SLX4IP: variants seen among roughly 807,000 people sequenced by gnomAD.
SLX4IP encodes the protein SLX4 interacting protein, also known as protein SLX4IP.
Under a neutral mutation model 32.9 loss-of-function variants are expected in SLX4IP, and 34 were observed. That is an observed-to-expected ratio of 1.03 (90% confidence interval 0.79 to 1.38). SLX4IP has a LOEUF of 1.38. Among genes scored for constraint, SLX4IP ranks in the 40% most tolerant of loss-of-function variants. The pLI, the probability that SLX4IP is intolerant of heterozygous loss-of-function variation, is 0.00. For synonymous variants in SLX4IP, 172 were observed against 171.7 expected (o/e 1.00, Z -0.01); for missense variants, 444 against 479.0 (o/e 0.93, Z 0.68).
intron 4 of SLX4IP, among the ~76,000 whole-genome samples, chr20:10,584,955 A>G (rs34988838): frequency 0.051 from 7,801 of 152,184 alleles, 267 homozygotes; most frequent in Middle Eastern, 0.075. Flanking sequence ...GTTACAGACA[A>G]ATGCTGAATA....
chr20:10,500,215 A>G (rs779389704), intron 2 of SLX4IP, among the ~76,000 whole-genome samples: 1 of 142,044 alleles, frequency 7.0e-6, no homozygotes, highest in African/African-American at 2.6e-5. Flanking sequence ...GCTCACTGCA[A>G]CCTCTGAATT....
intron 2 of SLX4IP, among the ~76,000 whole-genome samples, chr20:10,473,527 T>G (rs2065444625): frequency 6.6e-6 from 1 of 152,198 alleles, no homozygotes; most frequent in African/African-American, 2.4e-5. Flanking sequence ...ATAATCATTG[T>G]GGTTAATATT....
At chr20:10,450,551 T>C (rs975158353) in intron 1 of SLX4IP, among the ~76,000 whole-genome samples, 1 of 152,348 alleles carries the variant, frequency 6.6e-6, no homozygotes, top group Admixed American at 6.5e-5. Context: ...ATGTGCATTA[T>C]GTTATTTAGA....
intron 4 of SLX4IP, among the ~76,000 whole-genome samples, chr20:10,594,725 G>C (rs530149813): frequency 6.6e-6 from 1 of 152,106 alleles, no homozygotes; most frequent in Non-Finnish European, 1.5e-5. Flanking sequence ...GATGGAATTT[G>C]TTCAATTCAT....
At position 10,565,148 on chromosome 20, in the gene SLX4IP, TGCCA is replaced by T. The variant is rs1394218178; in HGVS notation, c.238+4330_238+4333del. Among the ~76,000 whole-genome samples the T allele has an allele frequency of 2.0e-5, 3 of 152,190 alleles. No individual in the cohort carries two copies. In the East Asian group the frequency reaches 5.8e-4, roughly 29 times the overall value. ...CCTCTTAATTCATCCACACCTCTGC[TGCCA>T]GAGTGGCCTTTTGAAGGCAAAAATG... On this transcript the variant is annotated intron_variant, in intron 4 of 7. Coordinates refer to ENST00000334534, the MANE Select transcript of SLX4IP (RefSeq NM_001009608.3).
rs559998986 is a variant in SLX4IP at position 10,496,508 on chromosome 20, C to A, written c.27+38277C>A. 4.6e-5 allele frequency among the ~76,000 whole-genome samples: 7 copies of A among 152,230 alleles called. No individual in the cohort carries two copies. In the South Asian group the frequency reaches 1.5e-3, roughly 32 times the overall value. On this transcript the variant is annotated intron_variant, in intron 2 of 7. Coordinates refer to ENST00000334534, the MANE Select transcript of SLX4IP (RefSeq NM_001009608.3). ...CACGAAACAAAACCTAGAGGTGGAC[C>A]TACCATCAGGGACCCAGGTTTTTCT...
chr20:10,590,590 A>G (rs1289503900), intron 4 of SLX4IP, among the ~76,000 whole-genome samples: 1 of 152,050 alleles, frequency 6.6e-6, no homozygotes, highest in Non-Finnish European at 1.5e-5. Context: ...CAAACTCTTG[A>G]GCTTAGGCAT....
At chr20:10,617,410 C>G (rs944595680) in intron 6 of SLX4IP, among the ~76,000 whole-genome samples, 33 of 152,140 alleles carry the variant, frequency 2.2e-4, no homozygotes, top group Admixed American at 7.9e-4. Context: ...GGAGCCCCTC[C>G]TGTGCTTTAC....
chr20:10,598,668 T>A lies in SLX4IP; in HGVS notation c.239-7T>A. ...TTAACTTAGTGATGTTCCCTTTCAC[T>A]TTCCAGGTTATGGCTTTCAAATCAC... On this transcript the variant is annotated splice_region_variant and splice_polypyrimidine_tract_variant and intron_variant, in intron 4 of 7. Coordinates refer to ENST00000334534, the MANE Select transcript of SLX4IP (RefSeq NM_001009608.3). 1 of 1,614,008 alleles carries A rather than the reference T, an allele frequency of 6.2e-7. No individual in the cohort carries two copies. The highest frequency in any genetic ancestry group is 8.5e-7 in the Non-Finnish European group (1 of 1,179,860).
chr20:10,594,597 C>G (rs964331708), intron 4 of SLX4IP, among the ~76,000 whole-genome samples: 8 of 152,176 alleles, frequency 5.3e-5, no homozygotes, highest in Non-Finnish European at 1.2e-4. Flanking sequence ...TGAATATTTG[C>G]TCTCAGTGTC....
chr20:10,621,519 C>T, intron 7 of SLX4IP, 105 bp downstream of exon 7: 5 of 949,160 alleles, frequency 5.3e-6, no homozygotes, highest in Non-Finnish European at 6.6e-6. Flanking sequence ...GAAGCACAAA[C>T]TCCCCTCCGT....
chr20:10,512,778 C>A (rs8116187), intron 2 of SLX4IP, among the ~76,000 whole-genome samples: 382 of 25,136 alleles, frequency 0.015, 4 homozygotes, highest in Admixed American at 0.033. Flanking sequence ...CACACACACT[C>A]TATATATATA....
intron 2 of SLX4IP, among the ~76,000 whole-genome samples, chr20:10,539,437 C>G (rs989065279): frequency 1.3e-5 from 2 of 151,496 alleles, no homozygotes; most frequent in African/African-American, 4.9e-5. Flanking sequence ...GTCTAAATAG[C>G]AGAATTGGAG....
chr20:10,627,592 C>T lies in SLX4IP; in HGVS notation c.*4213C>T, dbSNP rs1041790936. On this transcript the variant is annotated 3_prime_UTR_variant, in exon 8 of 8. Coordinates refer to ENST00000334534, the MANE Select transcript of SLX4IP (RefSeq NM_001009608.3). ...TCAATGTGCAGCTTAACAGAGGGGACTTGAATGGATAAAATTATCTTTAAT... is the reference window on the plus strand; with the variant it reads ...TCAATGTGCAGCTTAACAGAGGGGATTTGAATGGATAAAATTATCTTTAAT... The T allele has an allele frequency of 2.6e-5, 4 of 152,174 alleles. No homozygotes were observed. The highest frequency in any genetic ancestry group is 9.7e-5 in the African/African-American group (4 of 41,432). The allele number at this position is 152,174 out of a possible 1,614,324, so 9.4% of individuals were successfully genotyped here.
At chr20:10,601,639 C>T (rs935502077) in intron 5 of SLX4IP, 92 bp from the exon 6 acceptor site, 24 of 968,290 alleles carry the variant, frequency 2.5e-5, no homozygotes, top group Middle Eastern at 5.4e-4. Context: ...GTGCATATTG[C>T]AGTAACTTAA....
intron 6 of SLX4IP, among the ~76,000 whole-genome samples, chr20:10,612,266 C>T (rs897227002): frequency 3.9e-5 from 6 of 152,142 alleles, no homozygotes; most frequent in African/African-American, 1.2e-4. Flanking sequence ...CCCAAACAGT[C>T]CTGTAAGGTA....
At chr20:10,620,045 A>ATT (rs2067089585) in intron 6 of SLX4IP, among the ~76,000 whole-genome samples, 1 of 152,156 alleles carries the variant, frequency 6.6e-6, no homozygotes, top group South Asian at 2.1e-4. Flanking sequence ...TGATTAGGCA[A>ATT]AGCACATCCC....
intron 2 of SLX4IP, among the ~76,000 whole-genome samples, chr20:10,508,945 C>A (rs2065782493): frequency 6.6e-6 from 1 of 152,202 alleles, no homozygotes; most frequent in East Asian, 1.9e-4. Context: ...CCCAGCCTGA[C>A]ATTTTGATAC....
At chr20:10,537,469 T>C (rs1253397201) in intron 2 of SLX4IP, among the ~76,000 whole-genome samples, 1 of 152,220 alleles carries the variant, frequency 6.6e-6, no homozygotes, top group Non-Finnish European at 1.5e-5. Context: ...TTACTATAAC[T>C]CTTTTTAAAA....
Sources: allele counts gnomAD v4.1 joint callset (sites outside exome capture counted in the v4.1 genomes callset), GRCh38; gene constraint gnomAD v4.1.1; transcripts MANE v1.5; gene names NCBI Gene and HGNC (gene_info 2026-07-23, HGNC 2026-07-21).